The following FSIP2 variants were observed in gnomAD, a reference collection of about 807,000 sequenced individuals.
FSIP2 encodes the protein fibrous sheath interacting protein 2.
A neutral mutation model predicts 510.5 loss-of-function variants in FSIP2; 367 were observed. That is an observed-to-expected ratio of 0.72 (90% confidence interval 0.66 to 0.78). The LOEUF (loss-of-function observed/expected upper bound fraction) is 0.78, where lower values mean the gene tolerates loss of function less well. Among genes scored for constraint, FSIP2 ranks in the 30% least tolerant of loss-of-function variants. The probability of loss-of-function intolerance (pLI) is 0.00; values close to 1 mark genes in which losing one functional copy is unlikely to be tolerated. For synonymous variants in FSIP2, 2,601 were observed against 2,732.2 expected (o/e 0.95, Z 1.50); for missense variants, 7,594 against 7,901.7 (o/e 0.96, Z 1.48).
chr2:185,824,634 A>C (rs957420714), intron 20 of FSIP2, among the ~76,000 whole-genome samples, 154 bp downstream of exon 20: 3 of 151,772 alleles, frequency 2.0e-5, no homozygotes, highest in Non-Finnish European at 4.4e-5. Flanking sequence ...TCAGGTGTTA[A>C]AATGAGTCAA....
rs371873184 is a variant in FSIP2, at chr2:185,813,673, T to C, written c.19956T>C (p.Tyr6652=). Residue 6652 remains tyrosine, a synonymous_variant, in exon 18 of 23, where the codon TAT becomes TAC. Transcript: ENST00000424728. The part of the protein sequence containing the change: ...RLVAHDIDQV[Y]LENYIKEERD... ...TAGCTCATGATATTGATCAAGTGTA[T>C]TTGGAAAATTACATAAAAGAGGAAC... is the stretch of plus-strand genomic sequence containing the variant. 11 of 1,609,100 alleles carry C rather than the reference T, an allele frequency of 6.8e-6. No individual in the cohort carries two copies. The African/African-American group carries it at 1.1e-4, about 16-fold the overall frequency.
chr2:185,789,851 AGAGG>A lies in FSIP2; in HGVS notation c.2716_2719del (p.Glu906LysfsTer7). 1 of 1,531,302 alleles carries A rather than the reference AGAGG, an allele frequency of 6.5e-7. No individual in the cohort carries two copies. Among genetic ancestry groups the A allele is most frequent in the Non-Finnish European group, 8.7e-7 (1 of 1,143,188 alleles). The allele number at this position is 1,531,302 out of a possible 1,614,324, so 94.9% of individuals were successfully genotyped here. A position where few individuals can be genotyped will look rare whatever the true frequency, so the allele number is the denominator to read the frequency against. ...CCCAGTCTTCTTTGGTTGCTTATAT[AGAGG>A]AAGCAATCAATGCTATACTAGGTTA... On this transcript the variant is annotated frameshift_variant, in exon 16 of 23. Coordinates refer to ENST00000424728, the MANE Select transcript of FSIP2 (RefSeq NM_173651.4). LOFTEE classifies it high-confidence loss of function.
chr2:185,743,097 C>A, intron 2 of FSIP2, 36 bp from the exon 3 acceptor site: 1 of 1,296,630 alleles, frequency 7.7e-7, no homozygotes, highest in Non-Finnish European at 1.0e-6. Context: ...AGTGAAAATG[C>A]ATTAATTTTA....
Position 185,790,618 on chromosome 2 carries a change from C to G in FSIP2, c.3482C>G (p.Ser1161Ter), listed in dbSNP as rs1322051270. ...TGGATAGACCAGATGTTTTCTGTTT[C>G]AGAAATCAGTACAGTGGCTCAAGAA... ...QEWIDQMFSV[S>*]EISTVAQEIT... The change falls in exon 16 of 23, where the codon TCA becomes TGA. Residue 1161 changes from serine (S) to a stop codon, truncating the protein, a stop_gained. Transcript: ENST00000424728. LOFTEE classifies it high-confidence loss of function. 5 of 1,533,928 alleles carry G rather than the reference C, an allele frequency of 3.3e-6. No individual in the cohort carries two copies. Among genetic ancestry groups the G allele is most frequent in the African/African-American group, 1.4e-5 (1 of 72,894 alleles).
At position 185,790,911 on chromosome 2, in the gene FSIP2, A is replaced by G. The variant is rs113665835; in HGVS notation, c.3775A>G (p.Ile1259Val). Residue 1259 changes from isoleucine (I) to valine (V), a missense_variant, in exon 16 of 23, where the codon ATT becomes GTT. Physicochemically the swap from Ile to Val is conservative, Grantham distance 29. Transcript: ENST00000424728. ...GKSEPKPVDD[I>V]NDKIIRTIFK... Reference sequence around the variant, plus strand: ...AAGTGAACCTAAACCTGTAGATGACATTAATGATAAGATCATTCGTACAAT... The same window carrying G: ...AAGTGAACCTAAACCTGTAGATGACGTTAATGATAAGATCATTCGTACAAT... The G allele has an allele frequency of 2.2e-5, 33 of 1,527,564 alleles. No homozygotes were observed. Among genetic ancestry groups the G allele is most frequent in the African/African-American group, 1.8e-4 (13 of 72,488 alleles). The allele number at this position is 1,527,564 out of a possible 1,614,324, so 94.6% of individuals were successfully genotyped here.
Position 185,806,348 on chromosome 2 carries a change from T to G in FSIP2, c.17042T>G (p.Ile5681Ser). Residue 5681 changes from isoleucine (I) to serine (S), a missense_variant, in exon 17 of 23, where the codon ATT becomes AGT. Physicochemically the swap from Ile to Ser is moderately radical, Grantham distance 142. Transcript: ENST00000424728. ...HSDYEHVQNV[I>S]ENIFEDVLEL... ...GATTATGAACATGTTCAAAATGTCA[T>G]TGAAAATATTTTTGAAGATGTTTTA... 6.2e-7 allele frequency: 1 copy of G among 1,610,288 alleles called. No homozygotes were observed. Among genetic ancestry groups the G allele is most frequent in the Non-Finnish European group, 8.5e-7 (1 of 1,178,136 alleles).
upstream of FSIP2, among the ~76,000 whole-genome samples, chr2:185,737,450 T>C (rs1283857116): frequency 2.6e-5 from 4 of 152,112 alleles, no homozygotes; most frequent in South Asian, 6.2e-4. Context: ...GCTGTGGCAA[T>C]GGTGCAAACA....
Position 185,803,492 on chromosome 2 carries a change from G to T in FSIP2, c.14186G>T (p.Arg4729Ile). Residue 4729 changes from arginine (R) to isoleucine (I), a missense_variant, in exon 17 of 23, where the codon AGA (arginine) becomes ATA (isoleucine). Physicochemically the swap from Arg to Ile is moderately conservative, Grantham distance 97. Transcript: ENST00000424728. ...AATGACACAAAGACATTGGCTGCAA[G>T]AATAACTAATATCATCCTGGCTGAA... ...FLNDTKTLAA[R>I]ITNIILAEIF... 6.5e-7 allele frequency: 1 copy of T among 1,530,912 alleles called. No homozygotes were observed. Among genetic ancestry groups the T allele is most frequent in the Non-Finnish European group, 8.7e-7 (1 of 1,144,236 alleles). The allele number at this position is 1,530,912 out of a possible 1,614,324, so 94.8% of individuals were successfully genotyped here. A position where few individuals can be genotyped will look rare whatever the true frequency, so the allele number is the denominator to read the frequency against.
intron 1 of FSIP2, 115 bp from the exon 2 acceptor site, chr2:185,739,231 C>T: frequency 8.0e-7 from 1 of 1,244,100 alleles, no homozygotes; most frequent in Admixed American, 2.9e-5. Flanking sequence ...CAGGATGCCC[C>T]GAACCCTGAT....
intron 21 of FSIP2, among the ~76,000 whole-genome samples, chr2:185,828,928 C>T (rs921084316): frequency 6.6e-6 from 1 of 151,808 alleles, no homozygotes; most frequent in African/African-American, 2.4e-5. Context: ...ATTTTCAGAA[C>T]CAACTTTTAA....
rs1178724918 is a variant in FSIP2, at chr2:185,789,027, A to C, written c.1891A>C (p.Thr631Pro). ...SIISKHKYNK[T>P]NLLYSYPKLR... ...AATCTCTAAACATAAATATAATAAA[A>C]CCAACTTGCTATATTCATACCCTAA... The change falls in exon 16 of 23, where the codon ACC (threonine) becomes CCC (proline). Residue 631 changes from threonine (T) to proline (P), a missense_variant. Thr to Pro is a conservative substitution (Grantham distance 38). Transcript: ENST00000424728. The C allele has an allele frequency of 2.0e-6, 3 of 1,533,988 alleles. No individual in the cohort carries two copies. Among genetic ancestry groups the C allele is most frequent in the Non-Finnish European group, 2.6e-6 (3 of 1,145,488 alleles).
At chr2:185,830,793 G>A in intron 21 of FSIP2, among the ~76,000 whole-genome samples, 1 of 151,678 alleles carries the variant, frequency 6.6e-6, no homozygotes, top group Non-Finnish European at 1.5e-5. Flanking sequence ...TCTCCTTTTA[G>A]ATGAAGGATT....
rs778838524 is a variant in FSIP2 at position 185,792,847 on chromosome 2, G to T, written c.5711G>T (p.Arg1904Ile). ...GAAAATCCATGTACTTTTCAGTCTA[G>T]ATTCAGCGTTGCTGACAAGGAGACA... ...LDENPCTFQSRFSVADKETKV... is the reference protein window; with the variant it reads ...LDENPCTFQSIFSVADKETKV... The change falls in exon 16 of 23, where the codon AGA becomes ATA. Residue 1904 changes from arginine (R) to isoleucine (I), a missense_variant. By Grantham distance (97) the Arg-to-Ile change is moderately conservative. Transcript: ENST00000424728. The T allele has an allele frequency of 2.0e-6, 3 of 1,534,378 alleles. No homozygotes were observed. Among genetic ancestry groups the T allele is most frequent in the South Asian group, 2.4e-5 (2 of 84,024 alleles).
chr2:185,805,802 T>C lies in FSIP2; in HGVS notation c.16496T>C (p.Met5499Thr). ...NPVLSSINAI[M>T]KSGMINLTSG... ...GTACTTAGCTCTATAAATGCAATTA[T>C]GAAAAGCGGCATGATTAACCTAACA... The change falls in exon 17 of 23, where the codon ATG becomes ACG. Residue 5499 changes from methionine to threonine, a missense_variant. By Grantham distance (81) the Met-to-Thr change is moderately conservative. Coordinates refer to ENST00000424728, the MANE Select transcript of FSIP2 (RefSeq NM_173651.4). 1 of 1,602,924 alleles carries C rather than the reference T, an allele frequency of 6.2e-7. No homozygotes were observed. The highest frequency in any genetic ancestry group is 8.5e-7 in the Non-Finnish European group (1 of 1,176,404).
At chr2:185,823,679 TG>T (rs1218178299) in intron 19 of FSIP2, among the ~76,000 whole-genome samples, 3 of 151,626 alleles carry the variant, frequency 2.0e-5, no homozygotes, top group Non-Finnish European at 3.0e-5. Flanking sequence ...AAAACAGTAT[TG>T]GGGGTTTCTC....
Position 185,789,988 on chromosome 2 carries a change from A to G in FSIP2, c.2852A>G (p.Asn951Ser). Residue 951 changes from asparagine to serine, a missense_variant, in exon 16 of 23, where the codon AAT (asparagine) becomes AGT (serine). Transcript: ENST00000424728. Reference protein sequence around the residue: ...ILFQLHQEPVNESFQKSRQPR... With the variant: ...ILFQLHQEPVSESFQKSRQPR... ...TTTCAGCTCCATCAGGAACCAGTAA[A>G]TGAAAGTTTTCAAAAAAGTAGGCAA... 2.0e-6 allele frequency: 3 copies of G among 1,534,160 alleles called. No homozygotes were observed. The highest frequency in any genetic ancestry group is 1.7e-6 in the Non-Finnish European group (2 of 1,145,638).
chr2:185,785,981 G>T (rs1692962903), intron 14 of FSIP2, among the ~76,000 whole-genome samples: 1 of 151,880 alleles, frequency 6.6e-6, no homozygotes, highest in African/African-American at 2.4e-5. Context: ...GCTAAGGTGT[G>T]TTGGAAGTAT....
intron 17 of FSIP2, among the ~76,000 whole-genome samples, chr2:185,812,681 AT>A (rs754457648): frequency 1.3e-5 from 2 of 152,098 alleles, no homozygotes; most frequent in Non-Finnish European, 2.9e-5. Flanking sequence ...ATCCCAAAAT[AT>A]AAAATGATTT....
intron 2 of FSIP2, among the ~76,000 whole-genome samples, chr2:185,742,833 A>G (rs1196891511): frequency 6.6e-6 from 1 of 152,226 alleles, no homozygotes; most frequent in Non-Finnish European, 1.5e-5. Context: ...AAAACAAACT[A>G]TATGCTATTC....
Sources: gnomAD v4.1 joint callset for allele counts (sites outside exome capture counted in the v4.1 genomes callset) on GRCh38, gnomAD v4.1.1 for gene constraint, MANE v1.5 for transcripts, NCBI Gene and HGNC (gene_info 2026-07-23, HGNC 2026-07-21) for gene names.